Variants in MAGI2 observed in about 807,000 individuals in gnomAD.
MAGI2 encodes membrane-associated guanylate kinase, WW and PDZ domain-containing protein 2.
A neutral mutation model predicts 133.3 loss-of-function variants in MAGI2; 35 were observed. The observed-to-expected ratio is 0.26, with a 90% confidence interval of 0.20 to 0.35. The LOEUF is 0.35. Among genes scored for constraint, MAGI2 ranks in the 10% least tolerant of loss-of-function variants. The probability of loss-of-function intolerance (pLI) is 1.00; values close to 1 mark genes in which losing one functional copy is unlikely to be tolerated. For missense variants in MAGI2, 1,636 were observed against 1,863.4 expected (o/e 0.88, Z 2.25); for synonymous variants, 729 against 710.6 (o/e 1.03, Z -0.41).
chr7:78,267,549 G>A (rs1483329477), intron 9 of MAGI2, among the ~76,000 whole-genome samples: 1 of 152,054 alleles, frequency 6.6e-6, no homozygotes, highest in Non-Finnish European at 1.5e-5. Context: ...TATACACCAA[G>A]GATTGCCAAT....
chr7:78,459,797 T>C (rs1031191362), intron 6 of MAGI2, among the ~76,000 whole-genome samples: 4 of 152,246 alleles, frequency 2.6e-5, no homozygotes, highest in Admixed American at 1.3e-4. Flanking sequence ...CATTTGAGAA[T>C]GACCTTTAGA....
intron 9 of MAGI2, among the ~76,000 whole-genome samples, chr7:78,267,601 T>C (rs1403703375): frequency 2.0e-5 from 3 of 152,104 alleles, no homozygotes; most frequent in Non-Finnish European, 2.9e-5. Context: ...AGAACAAAAT[T>C]TGTCTTGGCT....
At chr7:79,172,258 T>G (rs146545483) in intron 1 of MAGI2, among the ~76,000 whole-genome samples, 1 of 152,188 alleles carries the variant, frequency 6.6e-6, no homozygotes, top group Non-Finnish European at 1.5e-5. Flanking sequence ...GATGAGAATT[T>G]ATTTCTTTCA....
chr7:78,903,676 A>G (rs1344945064), intron 2 of MAGI2, among the ~76,000 whole-genome samples: 2 of 152,194 alleles, frequency 1.3e-5, no homozygotes. Context: ...TGTCCCTGAC[A>G]TACATTTTGA....
intron 6 of MAGI2, among the ~76,000 whole-genome samples, chr7:78,413,568 T>C (rs1184322986): frequency 6.6e-6 from 1 of 152,048 alleles, no homozygotes; most frequent in African/African-American, 2.4e-5. Flanking sequence ...AAAAATATTT[T>C]ACTCTGGAAA....
intron 6 of MAGI2, among the ~76,000 whole-genome samples, chr7:78,382,801 T>C (rs978061098): frequency 2.0e-5 from 3 of 152,018 alleles, no homozygotes; most frequent in Admixed American, 2.0e-4. Flanking sequence ...TCTCTTTCCA[T>C]TCTCTACCTC....
chr7:79,183,737 A>G (rs1003803682), intron 1 of MAGI2, among the ~76,000 whole-genome samples: 1 of 151,914 alleles, frequency 6.6e-6, no homozygotes, highest in African/African-American at 2.4e-5. Context: ...AATCAACTTA[A>G]GTGTCCATCA....
At chr7:79,245,692 G>C (rs1832769227) in intron 1 of MAGI2, among the ~76,000 whole-genome samples, 1 of 152,138 alleles carries the variant, frequency 6.6e-6, no homozygotes, top group Non-Finnish European at 1.5e-5. Context: ...GACCCACCTG[G>C]GATCAGGGAG....
At chr7:78,756,959 ACCTG>A (rs1468893745) in intron 2 of MAGI2, among the ~76,000 whole-genome samples, 2 of 152,182 alleles carry the variant, frequency 1.3e-5, no homozygotes, top group Non-Finnish European at 2.9e-5. Context: ...CCTTAAAGCT[ACCTG>A]CCAATTATTC....
At chr7:78,725,275 GT>G (rs1820661419) in intron 2 of MAGI2, among the ~76,000 whole-genome samples, 1 of 152,170 alleles carries the variant, frequency 6.6e-6, no homozygotes, top group Non-Finnish European at 1.5e-5. Context: ...TCGAAAAATG[GT>G]TCATGCTTAG....
At chr7:78,774,869 A>G (rs1825861081) in intron 2 of MAGI2, among the ~76,000 whole-genome samples, 2 of 152,332 alleles carry the variant, frequency 1.3e-5, no homozygotes, top group South Asian at 4.1e-4. Flanking sequence ...AGGGTGTGGA[A>G]GAGAAAAAGT....
At chr7:78,398,715 A>C (rs538706351) in intron 6 of MAGI2, among the ~76,000 whole-genome samples, 1 of 152,204 alleles carries the variant, frequency 6.6e-6, no homozygotes, top group South Asian at 2.1e-4. Context: ...TAGGAGCCTA[A>C]CTTTCCTAAG....
intron 21 of MAGI2, among the ~76,000 whole-genome samples, chr7:78,050,849 G>C (rs1303544979): frequency 6.6e-6 from 1 of 152,196 alleles, no homozygotes; most frequent in Non-Finnish European, 1.5e-5. Flanking sequence ...ACCAGGAAGA[G>C]TGATAACTAA....
chr7:78,881,354 G>A (rs888376316), intron 2 of MAGI2, among the ~76,000 whole-genome samples: 5 of 147,148 alleles, frequency 3.4e-5, no homozygotes, highest in Non-Finnish European at 7.4e-5. Flanking sequence ...TTAAAAAATC[G>A]ACTCATAGAT....
At chr7:79,125,691 G>A (rs895125317) in intron 1 of MAGI2, 2 of 528,422 alleles carry the variant, frequency 3.8e-6, no homozygotes, top group African/African-American at 1.9e-5. Flanking sequence ...CATGAAGGGA[G>A]GAAACTTTGG....
intron 20 of MAGI2, among the ~76,000 whole-genome samples, chr7:78,083,611 G>A (rs1816299907): frequency 6.6e-6 from 1 of 152,100 alleles, no homozygotes; most frequent in Non-Finnish European, 1.5e-5. Flanking sequence ...GTCCCCTTGG[G>A]GCAACTAACA....
chr7:78,608,438 C>CAT (rs1242129853), intron 3 of MAGI2, among the ~76,000 whole-genome samples: 28 of 149,790 alleles, frequency 1.9e-4, no homozygotes, highest in African/African-American at 5.0e-4. Context: ...AATGTGTGTG[C>CAT]ATATATATAT....
At chr7:79,074,720 C>T (rs1815309623) in intron 1 of MAGI2, among the ~76,000 whole-genome samples, 1 of 152,196 alleles carries the variant, frequency 6.6e-6, no homozygotes, top group Non-Finnish European at 1.5e-5. Context: ...TACACACTTT[C>T]TGATCAATAC....
At chr7:78,893,841 C>A (rs1351308291) in intron 2 of MAGI2, among the ~76,000 whole-genome samples, 1 of 151,930 alleles carries the variant, frequency 6.6e-6, no homozygotes, top group Admixed American at 6.6e-5. Context: ...CAAACCTGCA[C>A]GTTGTGCACA....
Sources: allele counts gnomAD v4.1 joint callset (sites outside exome capture counted in the v4.1 genomes callset), GRCh38; gene constraint gnomAD v4.1.1; transcripts MANE v1.5; gene names NCBI Gene and HGNC (gene_info 2026-07-23, HGNC 2026-07-21).